NUP93: variants seen among roughly 807,000 people sequenced by gnomAD.
NUP93 encodes nuclear pore complex protein Nup93.
Under a neutral mutation model 107.8 loss-of-function variants are expected in NUP93, and 55 were observed. That is an observed-to-expected ratio of 0.51 (90% CI 0.41 to 0.64). The LOEUF (loss-of-function observed/expected upper bound fraction) is 0.64, where lower values mean the gene tolerates loss of function less well. Among genes scored for constraint, NUP93 ranks in the 30% least tolerant of loss-of-function variants. NUP93 has a pLI of 0.00. For missense variants in NUP93, 937 were observed against 1,044.7 expected, an observed-to-expected ratio of 0.90 and a Z score of 1.42; for synonymous variants, 390 against 397.5, an observed-to-expected ratio of 0.98 and a Z score of 0.22.
intron 3 of NUP93, among the ~76,000 whole-genome samples, chr16:56,765,196 G>C (rs573745943): frequency 1.4e-4 from 22 of 152,298 alleles, no homozygotes; most frequent in African/African-American, 5.1e-4. Context: ...AGACTTTGCT[G>C]TCTAAATATT....
chr16:56,734,002 C>A (rs1471640835), intron 1 of NUP93, among the ~76,000 whole-genome samples: 1 of 152,186 alleles, frequency 6.6e-6, no homozygotes, highest in Non-Finnish European at 1.5e-5. Flanking sequence ...TCATTTAACA[C>A]ATATTTATTG....
chr16:56,804,359 T>G (rs1963086858), intron 4 of NUP93, among the ~76,000 whole-genome samples: 1 of 152,148 alleles, frequency 6.6e-6, no homozygotes, highest in Non-Finnish European at 1.5e-5. Context: ...ATTCATACAG[T>G]GGAATATTTT....
intron 2 of NUP93, among the ~76,000 whole-genome samples, chr16:56,753,060 A>G (rs1961952681): frequency 6.6e-6 from 1 of 152,228 alleles, no homozygotes; most frequent in Non-Finnish European, 1.5e-5. Flanking sequence ...TATGTTTAAA[A>G]TTTATGAGTT....
At chr16:56,749,993 A>G (rs527415685) in intron 2 of NUP93, among the ~76,000 whole-genome samples, 1 of 152,322 alleles carries the variant, frequency 6.6e-6, no homozygotes, top group African/African-American at 2.4e-5. Flanking sequence ...CCCAGTCTTG[A>G]GCATGCAGGC....
rs560455209 is a variant in NUP93 at position 56,803,261 on chromosome 16, C to G, written c.361-2243C>G. Among the ~76,000 whole-genome samples, 17 of 152,232 alleles carry G rather than the reference C, an allele frequency of 1.1e-4. No individual in the cohort carries two copies. In the South Asian group the frequency reaches 3.5e-3, roughly 32 times the overall value. ...ATCACTTGAGGTCAGGAGTTCGAGA[C>G]CAGCCTAGCCAACATGGTGAAACCC... On this transcript the variant is annotated intron_variant, in intron 4 of 21. Coordinates refer to ENST00000308159, the MANE Select transcript of NUP93 (RefSeq NM_014669.5).
At chr16:56,790,857 A>C (rs1962746479) in intron 3 of NUP93, among the ~76,000 whole-genome samples, 3 of 152,116 alleles carry the variant, frequency 2.0e-5, no homozygotes, top group Admixed American at 2.0e-4. Flanking sequence ...CAGATCCTTT[A>C]TTGATTAATT....
At chr16:56,823,560 T>G in intron 7 of NUP93, 147 bp from the exon 8 acceptor site, 1 of 930,966 alleles carries the variant, frequency 1.1e-6, no homozygotes, top group Non-Finnish European at 1.6e-6. Flanking sequence ...TCTTCTGCAC[T>G]GAGCTTAAGC....
chr16:56,732,350 G>A (rs1409824314), intron 1 of NUP93, among the ~76,000 whole-genome samples: 1 of 152,230 alleles, frequency 6.6e-6, no homozygotes, highest in African/African-American at 2.4e-5. Flanking sequence ...TGGCACTCTT[G>A]CAGGCATGGG....
chr16:56,782,097 G>T (rs977410560), intron 3 of NUP93: 1 of 985,332 alleles, frequency 1.0e-6, no homozygotes, highest in East Asian at 1.1e-4. Flanking sequence ...GCAGTTTGGG[G>T]TGGGAAAAAC....
chr16:56,791,302 G>T (rs1276955070), intron 3 of NUP93, among the ~76,000 whole-genome samples: 1 of 152,178 alleles, frequency 6.6e-6, no homozygotes, highest in Non-Finnish European at 1.5e-5. Context: ...CAGGAAATTT[G>T]TGTGTTCATC....
chr16:56,744,939 A>C (rs1318765574), intron 1 of NUP93, among the ~76,000 whole-genome samples: 1 of 152,212 alleles, frequency 6.6e-6, no homozygotes, highest in Non-Finnish European at 1.5e-5. Context: ...ACAGACTCTC[A>C]CCAACGGAAG....
chr16:56,776,927 C>G (rs1962425696), intron 3 of NUP93, among the ~76,000 whole-genome samples: 1 of 152,216 alleles, frequency 6.6e-6, no homozygotes, highest in African/African-American at 2.4e-5. Flanking sequence ...TGTGGTAGAA[C>G]TTCTTCACAT....
intron 7 of NUP93, among the ~76,000 whole-genome samples, chr16:56,822,738 ATT>A (rs1287299270): frequency 6.6e-6 from 1 of 151,324 alleles, no homozygotes; most frequent in Admixed American, 6.6e-5. Context: ...TTTTTTTTGT[ATT>A]TTTGGTAGAG....
intron 16 of NUP93, among the ~76,000 whole-genome samples, chr16:56,836,273 ACTTATC>A (rs1188864543): frequency 6.6e-6 from 1 of 152,126 alleles, no homozygotes; most frequent in African/African-American, 2.4e-5. Flanking sequence ...TCTAGTTCCT[ACTTATC>A]AGCAAATTTA....
chr16:56,761,971 C>G (rs545965857), intron 3 of NUP93, among the ~76,000 whole-genome samples: 18 of 152,108 alleles, frequency 1.2e-4, no homozygotes, highest in African/African-American at 4.1e-4. Context: ...AGGGATGATA[C>G]TAGTAGAATT....
rs114811425 is a variant in NUP93, at chr16:56,769,040, A to T, written c.297+10385A>T. ...ATACTTACTGTTAACCCCATGTCACAGATGAGGAAGCTAAGGCTTACAGAG... is the reference window on the plus strand; with the variant it reads ...ATACTTACTGTTAACCCCATGTCACTGATGAGGAAGCTAAGGCTTACAGAG... On this transcript the variant is annotated intron_variant, in intron 3 of 21. Transcript: ENST00000308159. Among the ~76,000 whole-genome samples the T allele has an allele frequency of 3.9e-4, 60 of 152,286 alleles. 1 individual carries two copies. Among genetic ancestry groups the T allele is most frequent in the African/African-American group, 1.4e-3 (57 of 41,550 alleles).
chr16:56,832,241 A>G, intron 11 of NUP93, 54 bp from the exon 12 acceptor site: 1 of 1,445,946 alleles, frequency 6.9e-7, no homozygotes, highest in Non-Finnish European at 9.7e-7. Flanking sequence ...AACTCTGTGC[A>G]TGTGGCTCAG....
At chr16:56,840,834 A>T (rs1210048585) in intron 20 of NUP93, among the ~76,000 whole-genome samples, 1 of 151,976 alleles carries the variant, frequency 6.6e-6, no homozygotes, top group African/African-American at 2.4e-5. Context: ...CATCTCTACT[A>T]AAAAATACAA....
At chr16:56,815,899 G>GTGCTGCTGC (rs61260945) in intron 5 of NUP93, among the ~76,000 whole-genome samples, 1 of 95,984 alleles carries the variant, frequency 1.0e-5, no homozygotes, top group Admixed American at 1.1e-4. Flanking sequence ...GCTGCTGCTG[G>GTGCTGCTGC]TGCTGCTGCT....
Sources: allele counts gnomAD v4.1 joint callset (sites outside exome capture counted in the v4.1 genomes callset), GRCh38; gene constraint gnomAD v4.1.1; transcripts MANE v1.5; gene names NCBI Gene and HGNC (gene_info 2026-07-23, HGNC 2026-07-21).